Variants in ARHGAP26 observed in about 807,000 individuals in gnomAD.
The protein encoded by ARHGAP26 is Rho GTPase activating protein 26, also known as rho GTPase-activating protein 26.
A neutral mutation model predicts 104.8 loss-of-function variants in ARHGAP26; 38 were observed. The ratio of observed to expected loss-of-function variants is 0.36; its 90% CI spans 0.28 to 0.48. ARHGAP26 has a LOEUF of 0.48. ARHGAP26 is among the 20% of genes least tolerant of loss of function. ARHGAP26 has a pLI of 0.99. For synonymous variants in ARHGAP26, 341 were observed against 340.0 expected, an observed-to-expected ratio of 1.00 and a Z score of -0.03; for missense variants, 704 against 947.9, an observed-to-expected ratio of 0.74 and a Z score of 3.38.
intron 20 of ARHGAP26, chr5:143,147,628 T>G (rs1229062589): frequency 2.2e-6 from 1 of 452,058 alleles, no homozygotes; most frequent in Non-Finnish European, 3.9e-6. Context: ...CCTGCTGAGA[T>G]GGCTTTGGTG....
chr5:143,046,243 G>T (rs1377614950), intron 14 of ARHGAP26, among the ~76,000 whole-genome samples: 1 of 152,180 alleles, frequency 6.6e-6, no homozygotes, highest in Non-Finnish European at 1.5e-5. Context: ...AGCGGAGGTT[G>T]CAGTGAGCCA....
At chr5:143,008,445 CTGT>C (rs1778288214) in intron 11 of ARHGAP26, among the ~76,000 whole-genome samples, 1 of 152,118 alleles carries the variant, frequency 6.6e-6, no homozygotes, top group South Asian at 2.1e-4. Flanking sequence ...TAGAACCAGC[CTGT>C]TGTTTTAAGA....
intron 9 of ARHGAP26, among the ~76,000 whole-genome samples, chr5:142,909,683 G>C (rs1473684123): frequency 6.6e-6 from 1 of 152,184 alleles, no homozygotes; most frequent in Non-Finnish European, 1.5e-5. Flanking sequence ...TTACATTTAG[G>C]AGGAATATTA....
chr5:143,109,579 C>T (rs1368673164), intron 17 of ARHGAP26, among the ~76,000 whole-genome samples: 2 of 152,044 alleles, frequency 1.3e-5, no homozygotes, highest in South Asian at 2.1e-4. Context: ...CTCAGCTTCC[C>T]GAGTAGCTGG....
intron 1 of ARHGAP26, among the ~76,000 whole-genome samples, chr5:142,868,488 A>G (rs934570811): frequency 1.3e-5 from 2 of 152,216 alleles, no homozygotes; most frequent in African/African-American, 2.4e-5. Context: ...GAGCAGTTGC[A>G]GTTATCTGGG....
intron 20 of ARHGAP26, among the ~76,000 whole-genome samples, chr5:143,148,759 T>C (rs1420200640): frequency 6.6e-6 from 1 of 152,226 alleles, no homozygotes. Context: ...ATACCCACTT[T>C]CCTAGACTTT....
At chr5:143,055,391 G>A (rs543878129) in intron 15 of ARHGAP26, among the ~76,000 whole-genome samples, 2 of 152,204 alleles carry the variant, frequency 1.3e-5, no homozygotes, top group South Asian at 2.1e-4. Flanking sequence ...ACTAGGAGTC[G>A]AATTAAGGGA....
chr5:143,169,234 G>C (rs557842256), intron 20 of ARHGAP26, among the ~76,000 whole-genome samples: 80 of 152,346 alleles, frequency 5.3e-4, no homozygotes, highest in African/African-American at 1.8e-3. Context: ...GACCCTGTAT[G>C]TCAGCTTGAG....
chr5:142,963,181 T>TATATATATATATATAA, intron 11 of ARHGAP26, among the ~76,000 whole-genome samples: 1 of 111,574 alleles, frequency 9.0e-6, no homozygotes, highest in African/African-American at 5.1e-5. Context: ...TGTATATATA[T>TATATATATATATATAA]ATATATATAT....
intron 20 of ARHGAP26, among the ~76,000 whole-genome samples, chr5:143,199,540 T>C (rs1015127839): frequency 6.6e-6 from 1 of 152,196 alleles, no homozygotes; most frequent in Non-Finnish European, 1.5e-5. Flanking sequence ...CATTTTAGAT[T>C]TTCATGGAAT....
chr5:143,069,675 G>A (rs978513701), intron 17 of ARHGAP26, among the ~76,000 whole-genome samples: 1 of 152,200 alleles, frequency 6.6e-6, no homozygotes, highest in Non-Finnish European at 1.5e-5. Flanking sequence ...AATGTCAGCT[G>A]TTTATAGGAG....
chr5:142,872,542 CCACTTAAAGGTACCT>C (rs1163544209), intron 1 of ARHGAP26, among the ~76,000 whole-genome samples: 3 of 152,174 alleles, frequency 2.0e-5, no homozygotes, highest in Non-Finnish European at 4.4e-5. Context: ...ATCTGCCAGT[CCACTTAAAGGTACCT>C]TGGTGGTTTC....
rs1422508502 is a variant in ARHGAP26 at position 142,875,160 on chromosome 5, C to T, written c.301C>T (p.Arg101Trp). Residue 101 changes from arginine to tryptophan, a missense_variant, in exon 3 of 23, where the codon CGG becomes TGG. Arg to Trp is a moderately radical substitution (Grantham distance 101). Around this residue, in one of 6 missense-constraint regions of ARHGAP26, gnomAD observed 106 missense variants for 120.5 expected, o/e 0.88. Coordinates refer to ENST00000645722, the MANE Select transcript of ARHGAP26 (RefSeq NM_001135608.3). ...TGTCCTCAGGAATCTTGAAGATGAACGGATACGGATGGTGAGTAGGGCTGG... is the reference window on the plus strand; with the variant it reads ...TGTCCTCAGGAATCTTGAAGATGAATGGATACGGATGGTGAGTAGGGCTGG... Reference protein sequence around the residue: ...ATVLRNLEDERIRMIENASEV... With the variant: ...ATVLRNLEDEWIRMIENASEV... 5.0e-6 allele frequency: 8 copies of T among 1,613,908 alleles called. No homozygotes were observed. The highest frequency in any genetic ancestry group is 1.1e-5 in the South Asian group (1 of 91,064).
At chr5:143,087,945 G>A (rs1790843959) in intron 17 of ARHGAP26, among the ~76,000 whole-genome samples, 1 of 151,826 alleles carries the variant, frequency 6.6e-6, no homozygotes, top group Non-Finnish European at 1.5e-5. Flanking sequence ...CACCACGCCT[G>A]GCCTATCCTG....
rs369611049 is a variant in ARHGAP26, at chr5:143,128,648, G to A, written c.1699-5319G>A. Reference sequence around the variant, plus strand: ...TTTATGGCTTCTCTGAGAGCACCACGCAGTCCTCGGTCCCATTGTCTGTCA... The same window carrying A: ...TTTATGGCTTCTCTGAGAGCACCACACAGTCCTCGGTCCCATTGTCTGTCA... On this transcript the variant is annotated intron_variant, in intron 18 of 22. Coordinates refer to ENST00000645722, the MANE Select transcript of ARHGAP26 (RefSeq NM_001135608.3). 2.0e-4 allele frequency among the ~76,000 whole-genome samples: 31 copies of A among 152,228 alleles called. No individual in the cohort carries two copies. The East Asian group carries it at 4.0e-3, about 20-fold the overall frequency.
Position 142,910,111 on chromosome 5 carries a change from C to G in ARHGAP26, c.933+2307C>G, listed in dbSNP as rs571733592. ...CTTGATATTATAAGAGTTAATTTTC[C>G]TAGTAATTCCTTACATTTAAATTAT... On this transcript the variant is annotated intron_variant, in intron 9 of 22. Coordinates refer to ENST00000645722, the MANE Select transcript of ARHGAP26 (RefSeq NM_001135608.3). 1.6e-4 allele frequency among the ~76,000 whole-genome samples: 25 copies of G among 152,300 alleles called. No individual in the cohort carries two copies. In the South Asian group the frequency reaches 5.0e-3, roughly 30 times the overall value.
At chr5:143,148,327 G>C (rs914618933) in intron 20 of ARHGAP26, among the ~76,000 whole-genome samples, 4 of 152,168 alleles carry the variant, frequency 2.6e-5, no homozygotes, top group Non-Finnish European at 5.9e-5. Context: ...ATAGTTTCAT[G>C]ACAGCACCCT....
In ARHGAP26 at chr5:143,224,640, G is replaced by A. The variant is rs904076157; in HGVS notation, c.*2194G>A. The A allele has an allele frequency of 4.3e-6, 1 of 230,650 alleles. No individual in the cohort carries two copies. The highest frequency in any genetic ancestry group is 1.8e-4 in the South Asian group (1 of 5,508). 14.3% of individuals were successfully genotyped at this position (230,650 alleles called of 1,614,324 possible). On this transcript the variant is annotated 3_prime_UTR_variant, in exon 23 of 23. Transcript: ENST00000645722. ...CATCTTCTGAGGCTTTAGAAATGTG[G>A]ACAAGCTAGTTTTCAAATTTTGTGT...
At chr5:143,193,943 C>G (rs532585830) in intron 20 of ARHGAP26, 5 of 152,288 alleles carry the variant, frequency 3.3e-5, no homozygotes, top group African/African-American at 1.2e-4. Flanking sequence ...ACATAACCAC[C>G]GAGGATAAGG....
Sources: allele counts gnomAD v4.1 joint callset (sites outside exome capture counted in the v4.1 genomes callset), GRCh38; gene constraint gnomAD v4.1.1; regional missense constraint gnomAD v4.1.1; transcripts MANE v1.5; gene names NCBI Gene and HGNC (gene_info 2026-07-23, HGNC 2026-07-21).